The following GPD2 variants were observed in gnomAD, a reference collection of about 807,000 sequenced individuals.
GPD2 encodes glycerol-3-phosphate dehydrogenase, mitochondrial.
A neutral mutation model predicts 82.4 loss-of-function variants in GPD2; 54 were observed. The ratio of observed to expected loss-of-function variants is 0.66; its 90% CI spans 0.53 to 0.82. GPD2 has a LOEUF of 0.82. Ranked by LOEUF, GPD2 falls within the 40% of genes least tolerant of loss-of-function variation. GPD2 has a pLI of 0.00. For missense variants in GPD2, 748 were observed against 896.2 expected (o/e 0.83, Z 2.11); for synonymous variants, 288 against 306.1 (o/e 0.94, Z 0.62).
chr2:156,470,067 G>C (rs888931156), intron 1 of GPD2, among the ~76,000 whole-genome samples: 6 of 152,266 alleles, frequency 3.9e-5, no homozygotes, highest in African/African-American at 1.4e-4. Flanking sequence ...GCTAAACAAG[G>C]GGTGGCTTAT....
intron 2 of GPD2, among the ~76,000 whole-genome samples, chr2:156,492,156 T>G (rs1684203088): frequency 7.6e-6 from 1 of 131,740 alleles, no homozygotes; most frequent in African/African-American, 2.8e-5. Context: ...CCTTTTTTTT[T>G]TTTTTTTTTT....
rs1688155770 is a variant in GPD2 at position 156,584,776 on chromosome 2, T to TTAGA, written c.*1859_*1862dup. 1 of 152,454 alleles carries TTAGA rather than the reference T, an allele frequency of 6.6e-6. No homozygotes were observed. Among genetic ancestry groups the TTAGA allele is most frequent in the Admixed American group, 6.6e-5 (1 of 15,236 alleles). 9.4% of individuals were successfully genotyped at this position (152,454 alleles called of 1,614,324 possible). On this transcript the variant is annotated 3_prime_UTR_variant, in exon 17 of 17. Coordinates refer to ENST00000438166, the MANE Select transcript of GPD2 (RefSeq NM_000408.5). ...CTATCCAGATAACAAGTTTCATTGT[T>TTAGA]TAGAACCCAGTGACACTTAATAGGT...
chr2:156,496,458 C>CT (rs2105242292), intron 3 of GPD2, among the ~76,000 whole-genome samples: 1 of 152,164 alleles, frequency 6.6e-6, no homozygotes, highest in Admixed American at 6.5e-5. Flanking sequence ...TTGTTCAGCT[C>CT]AGAGGTAAGT....
At chr2:156,581,798 T>A (rs1056270671) in intron 16 of GPD2, among the ~76,000 whole-genome samples, 8 of 152,006 alleles carry the variant, frequency 5.3e-5, no homozygotes, top group African/African-American at 1.9e-4. Flanking sequence ...TTTAATAAGG[T>A]CATGAAATTC....
Position 156,583,847 on chromosome 2 carries a change from A to T in GPD2, c.*929A>T, listed in dbSNP as rs1688119596. The T allele has an allele frequency of 6.6e-6, 1 of 152,496 alleles. No homozygotes were observed. 9.4% of individuals were successfully genotyped at this position (152,496 alleles called of 1,614,324 possible). On this transcript the variant is annotated 3_prime_UTR_variant, in exon 17 of 17. Transcript: ENST00000438166. ...ATGTGTTTTTATATATCCACATATGATAACAAAAGATTCAATTCCCAAGCC... is the reference window on the plus strand; with the variant it reads ...ATGTGTTTTTATATATCCACATATGTTAACAAAAGATTCAATTCCCAAGCC...
chr2:156,401,132 C>G, the GPD2 span, among the ~76,000 whole-genome samples: 2 of 152,148 alleles, frequency 1.3e-5, no homozygotes, highest in African/African-American at 4.8e-5. Flanking sequence ...CAGAAAAAAA[C>G]TAGAAGTCAA....
chr2:156,557,492 A>G lies in GPD2; in HGVS notation c.1075A>G (p.Thr359Ala), dbSNP rs1687005984. The G allele has an allele frequency of 1.9e-6, 3 of 1,596,760 alleles. No individual in the cohort carries two copies. Among genetic ancestry groups the G allele is most frequent in the African/African-American group, 1.3e-5 (1 of 74,578 alleles). ...GATCGCTGGCACTACTGATACTCCA[A>G]CTGATGTTACACACCATCCAATTCC... Reference protein sequence around the residue: ...MTIAGTTDTPTDVTHHPIPSE... With the variant: ...MTIAGTTDTPADVTHHPIPSE... Residue 359 changes from threonine (T) to alanine (A), a missense_variant, in exon 9 of 17, where the codon ACT becomes GCT. Transcript: ENST00000438166.
At chr2:156,414,205 C>A in the GPD2 span, among the ~76,000 whole-genome samples, 13 of 152,258 alleles carry the variant, frequency 8.5e-5, no homozygotes, top group East Asian at 2.5e-3. Context: ...GAACAAATGT[C>A]ATCAATGTAT....
chr2:156,471,098 G>C (rs148871426), intron 1 of GPD2, among the ~76,000 whole-genome samples: 2,273 of 152,216 alleles, frequency 0.015, 62 homozygotes, highest in Admixed American at 0.068. Flanking sequence ...TGAAATCTTG[G>C]GGTCATTTTC....
intron 3 of GPD2, among the ~76,000 whole-genome samples, chr2:156,497,031 C>T (rs191456963): frequency 5.3e-5 from 8 of 152,288 alleles, no homozygotes; most frequent in African/African-American, 1.9e-4. Context: ...TAGTATAGAA[C>T]ACCAATGCTC....
intron 6 of GPD2, among the ~76,000 whole-genome samples, chr2:156,528,470 G>T (rs1332111994): frequency 6.7e-6 from 1 of 148,826 alleles, no homozygotes; most frequent in African/African-American, 2.5e-5. Context: ...TAAGTTTTAG[G>T]GTACATGTGC....
the GPD2 span, among the ~76,000 whole-genome samples, chr2:156,412,125 A>G: frequency 1.3e-5 from 2 of 152,114 alleles, no homozygotes; most frequent in African/African-American, 4.8e-5. Flanking sequence ...AACTTGCCCC[A>G]TTGTACAATC....
At chr2:156,581,968 TATA>T (rs1688042213) in intron 16 of GPD2, among the ~76,000 whole-genome samples, 1 of 152,068 alleles carries the variant, frequency 6.6e-6, no homozygotes, top group Admixed American at 6.6e-5. Flanking sequence ...TGTGTATATA[TATA>T]ATGTGTATAT....
chr2:156,488,855 GA>G (rs1201822962), intron 2 of GPD2, among the ~76,000 whole-genome samples: 3 of 151,890 alleles, frequency 2.0e-5, no homozygotes, highest in South Asian at 2.1e-4. Context: ...TAAACAAGTT[GA>G]AAAAAATCTA....
At position 156,583,346 on chromosome 2, in the gene GPD2, T is replaced by A. The variant is rs1395712101; in HGVS notation, c.*428T>A. The A allele has an allele frequency of 4.5e-6, 1 of 223,018 alleles. No homozygotes were observed. Among genetic ancestry groups the A allele is most frequent in the African/African-American group, 2.3e-5 (1 of 43,394 alleles). The allele number at this position is 223,018 out of a possible 1,614,324, so 13.8% of individuals were successfully genotyped here. ...AAAGAGTTGCCTATTGAAATGATCA[T>A]GTTTCTGGAGAAATTAAGCTTATAG... is the stretch of plus-strand genomic sequence containing the variant. On this transcript the variant is annotated 3_prime_UTR_variant, in exon 17 of 17. Coordinates refer to ENST00000438166, the MANE Select transcript of GPD2 (RefSeq NM_000408.5).
intron 16 of GPD2, among the ~76,000 whole-genome samples, chr2:156,582,528 A>C (rs1688062828): frequency 1.3e-5 from 2 of 151,964 alleles, no homozygotes; most frequent in Admixed American, 1.3e-4. Flanking sequence ...AAGGACAAAA[A>C]ATGATGCATT....
intron 8 of GPD2, among the ~76,000 whole-genome samples, chr2:156,551,126 C>T (rs1276963863): frequency 6.6e-6 from 1 of 151,530 alleles, no homozygotes; most frequent in African/African-American, 2.4e-5. Context: ...TGCAGAATAC[C>T]CAAATTTGCT....
intron 1 of GPD2, among the ~76,000 whole-genome samples, chr2:156,471,812 G>C (rs534303547): frequency 7.9e-4 from 120 of 152,212 alleles, no homozygotes; most frequent in Admixed American, 2.2e-3. Flanking sequence ...AGAGTTACAA[G>C]ACACACTTTG....
intron 16 of GPD2, among the ~76,000 whole-genome samples, chr2:156,581,304 A>T (rs1212001672): frequency 6.6e-6 from 1 of 151,776 alleles, no homozygotes; most frequent in Non-Finnish European, 1.5e-5. Context: ...ATTCACACCC[A>T]AATGTTATTT....
Sources: gnomAD v4.1 joint callset for allele counts (sites outside exome capture counted in the v4.1 genomes callset) on GRCh38, gnomAD v4.1.1 for gene constraint, MANE v1.5 for transcripts, NCBI Gene and HGNC (gene_info 2026-07-23, HGNC 2026-07-21) for gene names.